NTM: variants seen among roughly 807,000 people sequenced by gnomAD.
NTM encodes neurotrimin.
In NTM, 13 loss-of-function variants were observed where a neutral mutation model predicts 42.1. The ratio of observed to expected loss-of-function variants is 0.31; its 90% CI spans 0.20 to 0.49. NTM has a LOEUF of 0.49. NTM is among the 20% of genes least tolerant of loss of function. The pLI is 0.99. For missense variants in NTM, 373 were observed against 452.8 expected, an observed-to-expected ratio of 0.82 and a Z score of 1.60; for synonymous variants, 187 against 179.2, an observed-to-expected ratio of 1.04 and a Z score of -0.35.
chr11:131,472,254 G>A lies in NTM; in HGVS notation c.82+101366G>A, dbSNP rs975397450. Reference sequence around the variant, plus strand: ...TTACACTGGGTATCCCCCCTGCATGGTGTCAGCCCCCACTCTCTGGAAGGG... The same window carrying A: ...TTACACTGGGTATCCCCCCTGCATGATGTCAGCCCCCACTCTCTGGAAGGG... On this transcript the variant is annotated intron_variant, in intron 1 of 8. Coordinates refer to ENST00000683400, the MANE Select transcript of NTM (RefSeq NM_001352005.2). Among the ~76,000 whole-genome samples, 6 of 152,294 alleles carry A rather than the reference G, an allele frequency of 3.9e-5. No homozygotes were observed. The South Asian group carries it at 1.2e-3, about 32-fold the overall frequency.
At chr11:131,442,842 C>T (rs1398523944) in intron 1 of NTM, among the ~76,000 whole-genome samples, 1 of 151,842 alleles carries the variant, frequency 6.6e-6, no homozygotes, top group Admixed American at 6.6e-5. Flanking sequence ...CACACACAGA[C>T]ACACACAAAC....
intron 2 of NTM, among the ~76,000 whole-genome samples, chr11:131,971,856 A>C (rs1429038409): frequency 6.6e-6 from 1 of 151,482 alleles, no homozygotes; most frequent in African/African-American, 2.4e-5. Flanking sequence ...CATCCTCGCT[A>C]ACATGGTGAA....
chr11:131,500,569 ATATATATATTTTTTTTTTTTTT>A (rs2046642431), intron 1 of NTM, among the ~76,000 whole-genome samples: 1 of 58,092 alleles, frequency 1.7e-5, no homozygotes, highest in African/African-American at 7.7e-5. Flanking sequence ...ATATATATAT[ATATATATATTTTTTTTTTTTTT>A]TTTTGTATTA....
chr11:131,619,229 G>A (rs531662324), intron 1 of NTM, among the ~76,000 whole-genome samples: 1 of 152,198 alleles, frequency 6.6e-6, no homozygotes, highest in Admixed American at 6.5e-5. Context: ...GAAAGTGGAG[G>A]CAGTCAAATG....
intron 2 of NTM, among the ~76,000 whole-genome samples, chr11:132,096,680 G>A (rs1260002017): frequency 6.6e-6 from 1 of 152,234 alleles, no homozygotes; most frequent in Non-Finnish European, 1.5e-5. Flanking sequence ...CGCTCGGCCA[G>A]CAGAAGCGCT....
At chr11:131,903,098 A>G (rs973436831) in intron 1 of NTM, among the ~76,000 whole-genome samples, 4 of 150,100 alleles carry the variant, frequency 2.7e-5, no homozygotes, top group South Asian at 2.1e-4. Flanking sequence ...AGGTAGATAC[A>G]GGAAACACAG....
At chr11:132,154,229 T>A (rs1212744636) in intron 3 of NTM, among the ~76,000 whole-genome samples, 1 of 152,194 alleles carries the variant, frequency 6.6e-6, no homozygotes. Context: ...TGCTACTTTC[T>A]TTCACAAGGA....
At chr11:132,242,581 G>A (rs546682409) in intron 4 of NTM, among the ~76,000 whole-genome samples, 1 of 152,294 alleles carries the variant, frequency 6.6e-6, no homozygotes, top group South Asian at 2.1e-4. Context: ...GTGCCCTTAG[G>A]CCTGCGCAGC....
chr11:131,744,495 T>G (rs1002632886), intron 1 of NTM, among the ~76,000 whole-genome samples: 1 of 152,152 alleles, frequency 6.6e-6, no homozygotes, highest in African/African-American at 2.4e-5. Context: ...GGAAAGTATC[T>G]CCCAATTTTA....
At chr11:131,937,085 A>G (rs2059302454) in intron 2 of NTM, among the ~76,000 whole-genome samples, 1 of 152,218 alleles carries the variant, frequency 6.6e-6, no homozygotes, top group South Asian at 2.1e-4. Context: ...TGAAGAAAGG[A>G]AGCAGGAGGG....
chr11:131,764,192 T>C (rs956710493), intron 1 of NTM, among the ~76,000 whole-genome samples: 2 of 152,194 alleles, frequency 1.3e-5, no homozygotes, highest in South Asian at 2.1e-4. Context: ...GTCTCTTTAA[T>C]AGATTTCTTC....
At chr11:132,264,024 G>A (rs746907459) in intron 4 of NTM, among the ~76,000 whole-genome samples, 2 of 152,152 alleles carry the variant, frequency 1.3e-5, no homozygotes, top group Non-Finnish European at 2.9e-5. Context: ...TTCCTACAAC[G>A]GAATGGCTTG....
intron 4 of NTM, among the ~76,000 whole-genome samples, chr11:132,264,194 G>A (rs1360369002): frequency 6.6e-6 from 1 of 152,166 alleles, no homozygotes; most frequent in Non-Finnish European, 1.5e-5. Context: ...CTGCCAGTGT[G>A]ATAGGCAGGA....
At chr11:132,198,388 T>A (rs1382712277) in intron 3 of NTM, among the ~76,000 whole-genome samples, 1 of 152,014 alleles carries the variant, frequency 6.6e-6, no homozygotes, top group East Asian at 1.9e-4. Context: ...TTTGGAAAGA[T>A]GGTGGTGTTG....
At chr11:132,189,635 G>A (rs2078975524) in intron 3 of NTM, among the ~76,000 whole-genome samples, 1 of 133,132 alleles carries the variant, frequency 7.5e-6, no homozygotes, top group Non-Finnish European at 1.6e-5. Context: ...ACTGATTCAC[G>A]GCAGATACAC....
intron 2 of NTM, among the ~76,000 whole-genome samples, chr11:132,117,829 C>CAT (rs1378372550): frequency 6.6e-6 from 1 of 152,162 alleles, no homozygotes; most frequent in Admixed American, 6.5e-5. Context: ...AATAAATGAG[C>CAT]ATTGTACAGA....
intron 1 of NTM, among the ~76,000 whole-genome samples, chr11:131,711,367 A>G (rs2077108369): frequency 6.6e-6 from 1 of 152,188 alleles, no homozygotes; most frequent in South Asian, 2.1e-4. Flanking sequence ...GCAGCCAAAA[A>G]ACACATGAAA....
intron 4 of NTM, among the ~76,000 whole-genome samples, chr11:132,217,688 C>A (rs1359348370): frequency 1.3e-5 from 2 of 151,962 alleles, no homozygotes; most frequent in Non-Finnish European, 2.9e-5. Flanking sequence ...TCCTCAGCTG[C>A]CAGATCTCTT....
chr11:131,414,026 G>A (rs1173968672), intron 1 of NTM, among the ~76,000 whole-genome samples: 1 of 152,198 alleles, frequency 6.6e-6, no homozygotes, highest in Non-Finnish European at 1.5e-5. Flanking sequence ...TTTTGGGCAA[G>A]CCTGCAACTG....
Sources: gnomAD v4.1 joint callset for allele counts (sites outside exome capture counted in the v4.1 genomes callset) on GRCh38, gnomAD v4.1.1 for gene constraint, MANE v1.5 for transcripts, NCBI Gene and HGNC (gene_info 2026-07-23, HGNC 2026-07-21) for gene names.